The following PLXDC2 variants were observed in gnomAD, a reference collection of about 807,000 sequenced individuals.
The protein encoded by PLXDC2 is plexin domain containing 2.
In PLXDC2, 40 loss-of-function variants were observed where a neutral mutation model predicts 68.9. That is an observed-to-expected ratio of 0.58 (90% confidence interval 0.45 to 0.76). PLXDC2 has a LOEUF of 0.76. PLXDC2 is among the 30% of genes least tolerant of loss of function. The pLI is 0.00. For synonymous variants in PLXDC2, 243 were observed against 234.2 expected (o/e 1.04, Z -0.34); for missense variants, 644 against 661.9 (o/e 0.97, Z 0.30).
chr10:20,233,369 T>TAA (rs113521840), intron 12 of PLXDC2, among the ~76,000 whole-genome samples: 1 of 149,758 alleles, frequency 6.7e-6, no homozygotes. Flanking sequence ...CTACAAAAAT[T>TAA]TAAAAAAAGT....
At chr10:19,977,451 T>G (rs908278129) in intron 1 of PLXDC2, among the ~76,000 whole-genome samples, 1 of 152,144 alleles carries the variant, frequency 6.6e-6, no homozygotes, top group Non-Finnish European at 1.5e-5. Flanking sequence ...AGGAGGCCAC[T>G]GGGGGAGGGG....
chr10:20,031,144 G>T (rs1835495198), intron 2 of PLXDC2, among the ~76,000 whole-genome samples: 1 of 152,108 alleles, frequency 6.6e-6, no homozygotes. Flanking sequence ...GAGGCAGAAG[G>T]ACTGCTTGAG....
At chr10:20,208,963 G>A (rs1184747675) in intron 9 of PLXDC2, among the ~76,000 whole-genome samples, 1 of 152,048 alleles carries the variant, frequency 6.6e-6, no homozygotes, top group Non-Finnish European at 1.5e-5. Flanking sequence ...AATAGGGTGT[G>A]GGCCACAGAG....
At chr10:20,156,133 A>G (rs112855861) in intron 6 of PLXDC2, among the ~76,000 whole-genome samples, 5 of 152,182 alleles carry the variant, frequency 3.3e-5, no homozygotes, top group African/African-American at 1.2e-4. Context: ...AGCCATGTTT[A>G]GATAAGTTTC....
intron 9 of PLXDC2, among the ~76,000 whole-genome samples, chr10:20,198,467 G>A (rs541539084): frequency 1.3e-5 from 2 of 151,844 alleles, no homozygotes; most frequent in Admixed American, 6.6e-5. Flanking sequence ...TAATTTTTGT[G>A]GGTACATGGT....
intron 2 of PLXDC2, among the ~76,000 whole-genome samples, chr10:20,017,254 G>A (rs12358662): frequency 6.6e-6 from 1 of 152,062 alleles, no homozygotes; most frequent in Non-Finnish European, 1.5e-5. Context: ...GTGCTTCTAG[G>A]GGGGCAGGGG....
At chr10:20,126,404 T>C (rs368721877) in intron 4 of PLXDC2, among the ~76,000 whole-genome samples, 18 of 81,118 alleles carry the variant, frequency 2.2e-4, no homozygotes, top group East Asian at 4.8e-4. Flanking sequence ...TACATATATG[T>C]ATATACAACA....
At chr10:20,043,886 T>A (rs1341546110) in intron 2 of PLXDC2, among the ~76,000 whole-genome samples, 1 of 152,176 alleles carries the variant, frequency 6.6e-6, no homozygotes, top group East Asian at 1.9e-4. Flanking sequence ...AAATAGTCAA[T>A]GAAATGAATT....
intron 1 of PLXDC2, among the ~76,000 whole-genome samples, chr10:19,978,339 C>A (rs1005459891): frequency 2.0e-5 from 3 of 152,074 alleles, no homozygotes; most frequent in African/African-American, 7.2e-5. Context: ...CTAAATATAT[C>A]TTGTTACTTG....
intron 1 of PLXDC2, among the ~76,000 whole-genome samples, chr10:19,818,337 G>A (rs1438109699): frequency 6.7e-6 from 1 of 149,994 alleles, no homozygotes; most frequent in Non-Finnish European, 1.5e-5. Flanking sequence ...AGTCACAGAT[G>A]GAAGGTTGGG....
At chr10:19,905,190 T>C (rs1833133853) in intron 1 of PLXDC2, among the ~76,000 whole-genome samples, 1 of 152,230 alleles carries the variant, frequency 6.6e-6, no homozygotes, top group African/African-American at 2.4e-5. Context: ...CAGTTTACTT[T>C]TCTCTTTGTT....
chr10:19,915,891 A>AAAG (rs1481472582), intron 1 of PLXDC2, among the ~76,000 whole-genome samples: 17 of 151,984 alleles, frequency 1.1e-4, no homozygotes. Context: ...AAGAAAAAAA[A>AAAG]CAGCTGCTGT....
chr10:19,993,062 A>G (rs1236158150), intron 1 of PLXDC2, among the ~76,000 whole-genome samples: 2 of 152,162 alleles, frequency 1.3e-5, no homozygotes, highest in Non-Finnish European at 2.9e-5. Flanking sequence ...CTCATCTGTA[A>G]AATGGGATAA....
At chr10:20,278,038 C>A (rs1346472080) in intron 13 of PLXDC2, among the ~76,000 whole-genome samples, 2 of 152,190 alleles carry the variant, frequency 1.3e-5, no homozygotes, top group East Asian at 3.9e-4. Flanking sequence ...ATTTTTAAGG[C>A]TGAAGAGTAC....
At chr10:20,057,831 G>T (rs184984880) in intron 3 of PLXDC2, among the ~76,000 whole-genome samples, 285 of 151,938 alleles carry the variant, frequency 1.9e-3, no homozygotes, top group Middle Eastern at 0.01. Flanking sequence ...GCAACTCTCG[G>T]ACGCTGTGTT....
chr10:20,108,777 G>A (rs185549370), intron 4 of PLXDC2, among the ~76,000 whole-genome samples: 14 of 152,112 alleles, frequency 9.2e-5, no homozygotes, highest in South Asian at 2.1e-4. Flanking sequence ...AACCTTCCAC[G>A]TATCTGCCTT....
intron 1 of PLXDC2, among the ~76,000 whole-genome samples, chr10:19,882,407 A>G (rs965197673): frequency 6.6e-6 from 1 of 152,228 alleles, no homozygotes; most frequent in Non-Finnish European, 1.5e-5. Context: ...CAACATCATC[A>G]GGAAGCCGAG....
chr10:20,023,484 G>A (rs1305116380), intron 2 of PLXDC2, among the ~76,000 whole-genome samples: 1 of 152,082 alleles, frequency 6.6e-6, no homozygotes, highest in East Asian at 1.9e-4. Flanking sequence ...CCTCATGAAT[G>A]GATTAATGCT....
At chr10:20,006,316 T>C (rs572933332) in intron 2 of PLXDC2, among the ~76,000 whole-genome samples, 12 of 152,358 alleles carry the variant, frequency 7.9e-5, no homozygotes, top group African/African-American at 2.6e-4. Flanking sequence ...CTGGCATTGT[T>C]ACAAGGTCTT....
Sources: gnomAD v4.1 joint callset for allele counts (sites outside exome capture counted in the v4.1 genomes callset) on GRCh38, gnomAD v4.1.1 for gene constraint, MANE v1.5 for transcripts, NCBI Gene and HGNC (gene_info 2026-07-23, HGNC 2026-07-21) for gene names.